Variants in GPHN observed in about 807,000 individuals in gnomAD.
The protein encoded by GPHN is gephyrin.
GPHN carries 17 observed loss-of-function variants against 95.5 expected under a neutral mutation model. The ratio of observed to expected loss-of-function variants is 0.18; its 90% confidence interval spans 0.12 to 0.27. GPHN has a LOEUF of 0.27. Ranked by LOEUF, GPHN falls within the 10% of genes least tolerant of loss-of-function variation. The probability of loss-of-function intolerance (pLI) is 1.00; values close to 1 mark genes in which losing one functional copy is unlikely to be tolerated. For synonymous variants in GPHN, 320 were observed against 322.5 expected, an observed-to-expected ratio of 0.99 and a Z score of 0.08; for missense variants, 660 against 978.1, an observed-to-expected ratio of 0.67 and a Z score of 4.34.
the GPHN span, among the ~76,000 whole-genome samples, chr14:67,220,908 C>G: frequency 3.3e-5 from 5 of 152,114 alleles, no homozygotes; most frequent in Non-Finnish European, 7.4e-5. Flanking sequence ...TAAAATGGAC[C>G]ACAATTATGT....
At chr14:66,977,108 A>T (rs572657019) in intron 9 of GPHN, among the ~76,000 whole-genome samples, 84 of 152,202 alleles carry the variant, frequency 5.5e-4, no homozygotes, top group South Asian at 4.6e-3. Context: ...TTTCATACAC[A>T]TGTGTTGTAT....
intron 2 of GPHN, among the ~76,000 whole-genome samples, chr14:66,720,503 C>A (rs1191422255): frequency 3.3e-5 from 5 of 152,148 alleles, no homozygotes; most frequent in Non-Finnish European, 5.9e-5. Context: ...GAAGTCACTT[C>A]CTGGACTCTA....
At chr14:67,579,866 G>A in the GPHN span, 1 of 1,600,618 alleles carries the variant, frequency 6.2e-7, no homozygotes, top group Non-Finnish European at 8.5e-7. Context: ...TGCCTGCAGG[G>A]AAGTGTCAAG....
At chr14:66,522,800 C>CT (rs11319369) in intron 1 of GPHN, among the ~76,000 whole-genome samples, 4 of 150,446 alleles carry the variant, frequency 2.7e-5, no homozygotes, top group South Asian at 2.1e-4. Context: ...TTTGTTTGTC[C>CT]TTTTTTTTCC....
intron 5 of GPHN, among the ~76,000 whole-genome samples, chr14:66,882,886 T>A (rs2063995048): frequency 6.6e-6 from 1 of 151,644 alleles, no homozygotes; most frequent in African/African-American, 2.4e-5. Context: ...AAAATATGAT[T>A]CCACTCTCTT....
At chr14:67,365,053 GGTTT>G in the GPHN span, 1 of 1,502,134 alleles carries the variant, frequency 6.7e-7, no homozygotes, top group Non-Finnish European at 8.9e-7. Context: ...GATTTAAAAT[GGTTT>G]ATTTAAAAAT....
intron 2 of GPHN, among the ~76,000 whole-genome samples, chr14:66,765,997 A>G (rs2058949859): frequency 6.6e-6 from 1 of 152,196 alleles, no homozygotes; most frequent in Non-Finnish European, 1.5e-5. Context: ...CAATTGTTTG[A>G]AGGAATTGGA....
chr14:67,600,030 G>C, the GPHN span: 1 of 1,565,054 alleles, frequency 6.4e-7, no homozygotes, highest in Non-Finnish European at 8.6e-7. Flanking sequence ...TTACCTCGCA[G>C]AGGGTGAAGA....
intron 9 of GPHN, among the ~76,000 whole-genome samples, chr14:67,004,410 A>G (rs1174182099): frequency 6.6e-6 from 1 of 151,836 alleles, no homozygotes; most frequent in Non-Finnish European, 1.5e-5. Flanking sequence ...AGATATTGCC[A>G]TATTAAGCAT....
At chr14:67,568,941 G>GT in the GPHN span, 4 of 556,216 alleles carry the variant, frequency 7.2e-6, no homozygotes, top group African/African-American at 1.9e-5. Context: ...AGCCTGAAAG[G>GT]TAAGTATTAT....
intron 1 of GPHN, among the ~76,000 whole-genome samples, chr14:66,620,852 C>T (rs975492235): frequency 3.3e-5 from 5 of 152,134 alleles, no homozygotes; most frequent in Non-Finnish European, 7.4e-5. Flanking sequence ...TAGTTACTTC[C>T]TAGATACAAT....
chr14:66,700,061 G>A (rs1595599256), intron 2 of GPHN, among the ~76,000 whole-genome samples: 1 of 152,102 alleles, frequency 6.6e-6, no homozygotes, highest in African/African-American at 2.4e-5. Context: ...TTAAAATTGT[G>A]TGTCTTATAC....
At chr14:67,114,244 A>T (rs573539867) in intron 16 of GPHN, among the ~76,000 whole-genome samples, 3 of 152,248 alleles carry the variant, frequency 2.0e-5, no homozygotes, top group South Asian at 4.1e-4. Context: ...CATAGTAATG[A>T]TTTTAATATC....
the GPHN span, chr14:67,651,755 A>T: frequency 3.6e-6 from 1 of 279,164 alleles, no homozygotes; most frequent in East Asian, 9.1e-5. Context: ...CTTTAAAAAT[A>T]GCTTTTCTAG....
chr14:67,706,684 G>T, the GPHN span, among the ~76,000 whole-genome samples: 1 of 152,170 alleles, frequency 6.6e-6, no homozygotes, highest in Non-Finnish European at 1.5e-5. Flanking sequence ...AAGCAGGTTT[G>T]CCCTAAACAG....
intron 2 of GPHN, among the ~76,000 whole-genome samples, chr14:66,753,138 G>C (rs181472908): frequency 1.2e-4 from 19 of 152,178 alleles, no homozygotes; most frequent in Middle Eastern, 3.4e-3. Flanking sequence ...GGAACCCACT[G>C]TTGGGGGTGG....
chr14:67,352,257 C>T, the GPHN span, among the ~76,000 whole-genome samples: 279 of 151,880 alleles, frequency 1.8e-3, no homozygotes, highest in African/African-American at 6.3e-3. Context: ...TGTTTGAGCC[C>T]GGGAGTCAAA....
chr14:67,174,922 G>A (rs923844196), intron 21 of GPHN, among the ~76,000 whole-genome samples: 6 of 151,998 alleles, frequency 3.9e-5, no homozygotes, highest in Admixed American at 2.0e-4. Context: ...ACTTTTTGAT[G>A]GGGTTGTTTT....
chr14:67,717,336 A>G, the GPHN span, among the ~76,000 whole-genome samples: 1 of 152,208 alleles, frequency 6.6e-6, no homozygotes, highest in Admixed American at 6.5e-5. Context: ...GCCATTGTAG[A>G]CTAATGGAGT....
Sources: allele counts gnomAD v4.1 joint callset (sites outside exome capture counted in the v4.1 genomes callset), GRCh38; gene constraint gnomAD v4.1.1; transcripts MANE v1.5; gene names NCBI Gene and HGNC (gene_info 2026-07-23, HGNC 2026-07-21).